TMTC1: variants seen among roughly 807,000 people sequenced by gnomAD.
TMTC1 encodes the protein protein O-mannosyl-transferase TMTC1.
TMTC1 carries 73 observed loss-of-function variants against 104.8 expected under a neutral mutation model. The ratio of observed to expected loss-of-function variants is 0.70; its 90% CI spans 0.58 to 0.85. The LOEUF (loss-of-function observed/expected upper bound fraction) is 0.85, where lower values mean the gene tolerates loss of function less well. Among genes scored for constraint, TMTC1 ranks in the 40% least tolerant of loss-of-function variants. The pLI, the probability that TMTC1 is intolerant of heterozygous loss-of-function variation, is 0.00. For missense variants in TMTC1, 1,035 were observed against 1,096.1 expected, an observed-to-expected ratio of 0.94 and a Z score of 0.79; for synonymous variants, 434 against 428.7, an observed-to-expected ratio of 1.01 and a Z score of -0.15.
At chr12:29,764,667 A>G (rs899127213) in intron 2 of TMTC1, among the ~76,000 whole-genome samples, 11 of 152,114 alleles carry the variant, frequency 7.2e-5, no homozygotes, top group African/African-American at 1.4e-4. Flanking sequence ...TGTAGGCTAA[A>G]TTTCTCTGCC....
At chr12:29,679,139 G>T (rs1317247209) in intron 5 of TMTC1, among the ~76,000 whole-genome samples, 1 of 151,990 alleles carries the variant, frequency 6.6e-6, no homozygotes, top group Non-Finnish European at 1.5e-5. Flanking sequence ...GAAGAATAAA[G>T]ACATGCAGGA....
rs879602127 is a variant in TMTC1 at position 29,725,011 on chromosome 12, G to GTTTTTTTTTT, written c.938+26654_938+26655insAAAAAAAAAA. ...CGTAGTTTAGCTATATATCTGCCAA[G>GTTTTTTTTTT]TTCTTTTTTTTTTTTTTTTTTTTTT... On this transcript the variant is annotated intron_variant, in intron 5 of 17. Coordinates refer to ENST00000539277, the MANE Select transcript of TMTC1 (RefSeq NM_001193451.2). 3.7e-3 allele frequency among the ~76,000 whole-genome samples: 431 copies of GTTTTTTTTTT among 115,478 alleles called. 67 individuals are homozygous for GTTTTTTTTTT. Among genetic ancestry groups the GTTTTTTTTTT allele is most frequent in the African/African-American group, 8.1e-3 (261 of 32,154 alleles). 75.8% of individuals were successfully genotyped at this position (115,478 alleles called of 152,430 possible).
chr12:29,643,403 C>T (rs971516463), intron 5 of TMTC1, among the ~76,000 whole-genome samples: 4 of 72,200 alleles, frequency 5.5e-5, no homozygotes, highest in African/African-American at 2.6e-4. Flanking sequence ...ACCCAAATAC[C>T]CATCAATCAA....
chr12:29,627,007 C>G (rs1423887232), intron 6 of TMTC1, among the ~76,000 whole-genome samples: 11 of 152,176 alleles, frequency 7.2e-5, no homozygotes, highest in Admixed American at 4.6e-4. Context: ...GAGGCTGAGG[C>G]AGGAGAATTG....
At chr12:29,614,343 G>C (rs111732206) in intron 6 of TMTC1, among the ~76,000 whole-genome samples, 281 of 152,250 alleles carry the variant, frequency 1.8e-3, no homozygotes, top group Non-Finnish European at 2.8e-3. Flanking sequence ...CCCTACTTCT[G>C]AAACATATGG....
intron 5 of TMTC1, among the ~76,000 whole-genome samples, chr12:29,682,254 A>G (rs1940943362): frequency 6.6e-6 from 1 of 152,204 alleles, no homozygotes; most frequent in African/African-American, 2.4e-5. Flanking sequence ...AGCAATATCA[A>G]ATACTGGGGA....
At chr12:29,741,626 G>A (rs1301163520) in intron 5 of TMTC1, among the ~76,000 whole-genome samples, 4 of 152,056 alleles carry the variant, frequency 2.6e-5, no homozygotes, top group African/African-American at 9.7e-5. Flanking sequence ...TGTCTCTTGC[G>A]CAACCTGAGA....
Position 29,783,087 on chromosome 12 carries a change from A to C in TMTC1, c.302+363T>G. On this transcript the variant is annotated intron_variant, in intron 1 of 17. Coordinates refer to ENST00000539277, the MANE Select transcript of TMTC1 (RefSeq NM_001193451.2). The surrounding 1 kb of genome is among the most constrained non-coding windows in gnomAD (Gnocchi z 4.7). The stretch of plus-strand genomic sequence containing the variant: ...TCGCCACCACCGCCACCCCTCCGGA[A>C]CCCTCTGGGTCCGCGCTAGTCCCAC... The C allele has an allele frequency of 4.2e-6, 1 of 237,862 alleles. No individual in the cohort carries two copies. Among genetic ancestry groups the C allele is most frequent in the Non-Finnish European group, 8.1e-6 (1 of 123,976 alleles). The allele number at this position is 237,862 out of a possible 1,614,324, so 14.7% of individuals were successfully genotyped here. A position where few individuals can be genotyped will look rare whatever the true frequency, so the allele number is the denominator to read the frequency against.
At chr12:29,685,642 G>GA (rs993818204) in intron 5 of TMTC1, among the ~76,000 whole-genome samples, 3 of 151,286 alleles carry the variant, frequency 2.0e-5, no homozygotes, top group Admixed American at 6.6e-5. Context: ...CTTTCAACCA[G>GA]AAAAAAAAGA....
intron 10 of TMTC1, among the ~76,000 whole-genome samples, chr12:29,543,661 C>A (rs1415269349): frequency 6.6e-6 from 1 of 152,168 alleles, no homozygotes; most frequent in Non-Finnish European, 1.5e-5. Flanking sequence ...TTCTAAAAAA[C>A]TGAATTGTGA....
At chr12:29,702,920 G>A (rs527555518) in intron 5 of TMTC1, among the ~76,000 whole-genome samples, 72 of 152,260 alleles carry the variant, frequency 4.7e-4, no homozygotes, top group African/African-American at 1.5e-3. Context: ...CGAGGCAGGT[G>A]GATCACCTGA....
At chr12:29,643,819 A>T (rs1212057596) in intron 5 of TMTC1, among the ~76,000 whole-genome samples, 5 of 76,614 alleles carry the variant, frequency 6.5e-5, no homozygotes, top group African/African-American at 2.6e-4. Flanking sequence ...ATTTATATAT[A>T]TTTATATATT....
intron 5 of TMTC1, among the ~76,000 whole-genome samples, chr12:29,643,564 T>C (rs368824786): frequency 0.031 from 2,547 of 81,320 alleles, 98 homozygotes; most frequent in Admixed American, 0.051. Flanking sequence ...TTATATATTA[T>C]AATATATAAT....
intron 5 of TMTC1, among the ~76,000 whole-genome samples, chr12:29,745,856 T>C (rs1942942521): frequency 6.6e-6 from 1 of 152,160 alleles, no homozygotes; most frequent in South Asian, 2.1e-4. Context: ...ACCACTATCA[T>C]GCTCCTACCT....
rs1001672391 is a variant in TMTC1, at chr12:29,660,044, T to C, written c.939-26708A>G. The C allele has an allele frequency of 2.3e-6, 3 of 1,298,438 alleles. No homozygotes were observed. The Admixed American group carries it at 6.4e-5, about 28-fold the overall frequency. 80.4% of individuals were successfully genotyped at this position (1,298,438 alleles called of 1,614,324 possible). On this transcript the variant is annotated intron_variant, in intron 5 of 17. Transcript: ENST00000539277. The stretch of plus-strand genomic sequence containing the variant: ...CAATAATCTCCACCCTTTTTGCAGG[T>C]GCATTCTGTTCCTCTAACAGGGAAT...
At chr12:29,610,704 G>A (rs940828976) in intron 6 of TMTC1, among the ~76,000 whole-genome samples, 11 of 152,224 alleles carry the variant, frequency 7.2e-5, no homozygotes, top group African/African-American at 2.4e-4. Flanking sequence ...GATGTTTAGG[G>A]ACAGTCCTCT....
At chr12:29,621,149 G>A (rs1036214073) in intron 6 of TMTC1, among the ~76,000 whole-genome samples, 1 of 152,190 alleles carries the variant, frequency 6.6e-6, no homozygotes, top group African/African-American at 2.4e-5. Context: ...GAGGAAAAAA[G>A]AAAAATCCGT....
At chr12:29,772,230 G>A (rs958268779) in intron 1 of TMTC1, among the ~76,000 whole-genome samples, 2 of 152,082 alleles carry the variant, frequency 1.3e-5, no homozygotes, top group Non-Finnish European at 2.9e-5. Context: ...ACAACTCTGG[G>A]CCTACACGGC....
At chr12:29,650,880 A>G (rs956487156) in intron 5 of TMTC1, among the ~76,000 whole-genome samples, 1 of 152,228 alleles carries the variant, frequency 6.6e-6, no homozygotes, top group African/African-American at 2.4e-5. Context: ...GGAGAAAAAG[A>G]TATTATCTAA....
Sources: allele counts gnomAD v4.1 joint callset (sites outside exome capture counted in the v4.1 genomes callset), GRCh38; gene constraint gnomAD v4.1.1; non-coding constraint Gnocchi (gnomAD v3.1); transcripts MANE v1.5; gene names NCBI Gene and HGNC (gene_info 2026-07-23, HGNC 2026-07-21).